Variants in FBXO28 observed in about 807,000 individuals in gnomAD.
The protein encoded by FBXO28 is F-box protein 28, also known as F-box only protein 28.
A neutral mutation model predicts 38.1 loss-of-function variants in FBXO28; 8 were observed. The observed-to-expected ratio is 0.21, with a 90% CI of 0.12 to 0.38. The LOEUF is 0.38. Ranked by LOEUF, FBXO28 falls within the 10% of genes least tolerant of loss-of-function variation. The pLI is 1.00. For synonymous variants in FBXO28, 168 were observed against 173.8 expected, an observed-to-expected ratio of 0.97 and a Z score of 0.26; for missense variants, 345 against 460.6, an observed-to-expected ratio of 0.75 and a Z score of 2.30.
intron 4 of FBXO28, among the ~76,000 whole-genome samples, chr1:224,155,149 G>T (rs1657744100): frequency 6.6e-6 from 1 of 151,936 alleles, no homozygotes; most frequent in Non-Finnish European, 1.5e-5. Flanking sequence ...CAAAGTGTCT[G>T]CCTGCTACTT....
rs1346712400 is a variant in FBXO28, at chr1:224,161,034, T to C, written c.*3288T>C. 2 of 152,200 alleles carry C rather than the reference T, an allele frequency of 1.3e-5. No homozygotes were observed. The highest frequency in any genetic ancestry group is 4.8e-5 in the African/African-American group (2 of 41,450). The allele number at this position is 152,200 out of a possible 1,614,324, so 9.4% of individuals were successfully genotyped here. On this transcript the variant is annotated 3_prime_UTR_variant, in exon 5 of 5. Transcript: ENST00000366862. The stretch of plus-strand genomic sequence containing the variant: ...ATATGCCATTTCATAGCCTGCACTT[T>C]AATCTCCAAAGAAACGATGTATGAT...
At chr1:224,125,672 C>T (rs1656887801) in intron 1 of FBXO28, among the ~76,000 whole-genome samples, 1 of 146,930 alleles carries the variant, frequency 6.8e-6, no homozygotes, top group African/African-American at 2.5e-5. Context: ...CACGGAGTCT[C>T]GTTCTGTCAT....
chr1:224,138,709 A>G (rs2102623025), intron 3 of FBXO28, among the ~76,000 whole-genome samples: 1 of 151,844 alleles, frequency 6.6e-6, no homozygotes, highest in East Asian at 1.9e-4. Context: ...AAACATGTGG[A>G]TAGTCTCTGC....
intron 3 of FBXO28, among the ~76,000 whole-genome samples, chr1:224,146,938 C>G (rs1418278511): frequency 6.6e-6 from 1 of 151,048 alleles, no homozygotes; most frequent in Non-Finnish European, 1.5e-5. Flanking sequence ...GAACTCCTGA[C>G]CTCGTAATCC....
intron 3 of FBXO28, among the ~76,000 whole-genome samples, chr1:224,143,072 G>C (rs1428883105): frequency 6.6e-6 from 1 of 151,898 alleles, no homozygotes; most frequent in African/African-American, 2.4e-5. Flanking sequence ...CCAAGCAAGC[G>C]TGCGGTGGTG....
In FBXO28 at chr1:224,114,147, G is replaced by A. The variant is rs1329241222; in HGVS notation, c.18G>A (p.Glu6=). 2.3e-5 allele frequency: 36 copies of A among 1,543,000 alleles called. 1 individual carries two copies. The highest frequency in any genetic ancestry group is 9.9e-5 in the Admixed American group (5 of 50,372). Residue 6 remains glutamate (E), a synonymous_variant, in exon 1 of 5, where the codon GAG becomes GAA. Transcript: ENST00000366862. The stretch of plus-strand genomic sequence containing the variant: ...CCCCCAAGATGGCGGCAGCGGCGGA[G>A]GAGCGGATGGCAGAGGAAGGAGGCG... MAAAA[E]ERMAEEGGGG... is the part of the protein sequence containing the mutation.
chr1:224,122,412 A>T (rs1260029300), intron 1 of FBXO28, among the ~76,000 whole-genome samples: 1 of 152,166 alleles, frequency 6.6e-6, no homozygotes, highest in Non-Finnish European at 1.5e-5. Context: ...TACTTTTTAT[A>T]ATGTGATCAC....
At chr1:224,151,588 A>C (rs1657649204) in intron 3 of FBXO28, among the ~76,000 whole-genome samples, 1 of 152,210 alleles carries the variant, frequency 6.6e-6, no homozygotes, top group Non-Finnish European at 1.5e-5. Context: ...GGATTATAAG[A>C]TTGATCCAGA....
chr1:224,154,534 C>T (rs889325096), intron 4 of FBXO28, among the ~76,000 whole-genome samples: 1 of 151,986 alleles, frequency 6.6e-6, no homozygotes, highest in Non-Finnish European at 1.5e-5. Context: ...ATTGGCCGGG[C>T]GCGGTGGCTC....
intron 3 of FBXO28, among the ~76,000 whole-genome samples, chr1:224,150,796 T>G (rs1657624088): frequency 6.6e-6 from 1 of 152,210 alleles, no homozygotes; most frequent in Non-Finnish European, 1.5e-5. Context: ...TATTCCTGCC[T>G]TTCCTGATAG....
intron 1 of FBXO28, among the ~76,000 whole-genome samples, chr1:224,128,789 C>G (rs1347008838): frequency 6.6e-6 from 1 of 151,864 alleles, no homozygotes; most frequent in Non-Finnish European, 1.5e-5. Flanking sequence ...AATTTAAGAC[C>G]AGCCTGGGCA....
chr1:224,114,743 G>A (rs6664674), intron 1 of FBXO28, among the ~76,000 whole-genome samples: 8,955 of 152,240 alleles, frequency 0.059, 802 homozygotes, highest in African/African-American at 0.19. Context: ...CATGTCGCCT[G>A]CCTTTTGTAT....
At chr1:224,152,006 C>T (rs1657659255) in intron 3 of FBXO28, among the ~76,000 whole-genome samples, 1 of 151,078 alleles carries the variant, frequency 6.6e-6, no homozygotes, top group African/African-American at 2.4e-5. Context: ...TGTGCCACTG[C>T]ACTCCAGCCT....
At position 224,153,542 on chromosome 1, in the gene FBXO28, T is replaced by A. The variant is rs186537137; in HGVS notation, c.712+205T>A. ...CTTGTTTCTAGCTTTTCAGTACTTA[T>A]ACTCTGAAGAACAATCTGAGCGGTC... On this transcript the variant is annotated intron_variant, in intron 4 of 4. Coordinates refer to ENST00000366862, the MANE Select transcript of FBXO28 (RefSeq NM_015176.4). 3.6e-3 allele frequency among the ~76,000 whole-genome samples: 547 copies of A among 152,336 alleles called. 22 individuals carry two copies. Among genetic ancestry groups the A allele is most frequent in the Admixed American group, 0.033 (509 of 15,304 alleles).
intron 3 of FBXO28, 90 bp downstream of exon 3, chr1:224,134,302 A>G (rs1353220893): frequency 7.7e-7 from 1 of 1,303,542 alleles, no homozygotes. Context: ...AAATGTTAGA[A>G]TTGTTTCTAC....
intron 1 of FBXO28, among the ~76,000 whole-genome samples, chr1:224,114,872 G>A (rs1470982684): frequency 6.6e-6 from 1 of 152,224 alleles, no homozygotes; most frequent in Admixed American, 6.5e-5. Flanking sequence ...AACCACCCAA[G>A]TTTTCTTGTT....
At chr1:224,142,234 C>G (rs940820615) in intron 3 of FBXO28, among the ~76,000 whole-genome samples, 1 of 151,812 alleles carries the variant, frequency 6.6e-6, no homozygotes, top group Non-Finnish European at 1.5e-5. Context: ...CACCTGTAGT[C>G]CCAGCTACTC....
chr1:224,157,268 G>C (rs1657794737), intron 4 of FBXO28, 84 bp from the exon 5 acceptor site: 3 of 1,451,488 alleles, frequency 2.1e-6, no homozygotes, highest in Non-Finnish European at 2.8e-6. Flanking sequence ...ACATAGTAAG[G>C]GTATTCCATT....
chr1:224,123,715 C>T (rs1202300987), intron 1 of FBXO28, among the ~76,000 whole-genome samples: 1 of 152,084 alleles, frequency 6.6e-6, no homozygotes, highest in African/African-American at 2.4e-5. Context: ...AATGCTAAGA[C>T]ATTATATATC....
Sources: gnomAD v4.1 joint callset for allele counts (sites outside exome capture counted in the v4.1 genomes callset) on GRCh38, gnomAD v4.1.1 for gene constraint, MANE v1.5 for transcripts, NCBI Gene and HGNC (gene_info 2026-07-23, HGNC 2026-07-21) for gene names.